The following MYEOV variants were observed in gnomAD, a reference collection of about 807,000 sequenced individuals.
The protein encoded by MYEOV is myeloma overexpressed.
MYEOV carries 4 observed loss-of-function variants against 4.5 expected under a neutral mutation model. That is an observed-to-expected ratio of 0.89 (90% CI 0.44 to 2.03). MYEOV has a LOEUF of 2.03. Among genes scored for constraint, MYEOV ranks in the 30% most tolerant of loss-of-function variants. The pLI is 0.03. For synonymous variants in MYEOV, 184 were observed against 170.3 expected (o/e 1.08, Z -0.63); for missense variants, 408 against 412.8 (o/e 0.99, Z 0.10).
Position 69,296,041 on chromosome 11 carries a change from G to T in MYEOV, c.591G>T (p.Ala197=). The change falls in exon 3 of 3, where the codon GCG becomes GCT. Residue 197 remains alanine (A), a synonymous_variant. Transcript: ENST00000441339. ...GGCTCTCCATGGAAATTATGTGGGC[G>T]CGAATGGATGTGGCTCTGCGCTCAC... ...RHGLSMEIMW[A]RMDVALRSPG... 1 of 1,614,122 alleles carries T rather than the reference G, an allele frequency of 6.2e-7. No individual in the cohort carries two copies. Among genetic ancestry groups the T allele is most frequent in the Admixed American group, 1.7e-5 (1 of 60,014 alleles).
chr11:69,295,090 G>C lies in MYEOV; in HGVS notation c.-122-143G>C. The C allele has an allele frequency of 4.0e-6, 2 of 498,246 alleles. No individual in the cohort carries two copies. Among genetic ancestry groups the C allele is most frequent in the Non-Finnish European group, 7.0e-6 (2 of 286,546 alleles). The allele number at this position is 498,246 out of a possible 1,614,324, so 30.9% of individuals were successfully genotyped here. A position where few individuals can be genotyped will look rare whatever the true frequency, so the allele number is the denominator to read the frequency against. On this transcript the variant is annotated intron_variant, in intron 1 of 2. Transcript: ENST00000441339. This position sits in a 1 kb window ranked among gnomAD's most constrained non-coding sequence, Gnocchi z 4.1. ...GATTTGGGCAGGTCCCAGCTTCCAG[G>C]ATCATGAGGTGAAAACGTGAAGGGA...
In MYEOV at chr11:69,295,130, G is replaced by A; in HGVS notation, c.-122-103G>A. The A allele has an allele frequency of 4.5e-6, 3 of 668,738 alleles. No homozygotes were observed. Among genetic ancestry groups the A allele is most frequent in the Non-Finnish European group, 7.3e-6 (3 of 413,664 alleles). 41.4% of individuals were successfully genotyped at this position (668,738 alleles called of 1,614,324 possible). A position where few individuals can be genotyped will look rare whatever the true frequency, so the allele number is the denominator to read the frequency against. On this transcript the variant is annotated intron_variant, in intron 1 of 2. Coordinates refer to ENST00000441339, the MANE Select transcript of MYEOV (RefSeq NM_001293291.2). This position sits in a 1 kb window ranked among gnomAD's most constrained non-coding sequence, Gnocchi z 4.1. ...ACGTGAAGGGACCCTAGAGGCCATG[G>A]GGACCCAGGCACAGAGCGGCGGCCT...
In MYEOV at chr11:69,295,173, C is replaced by A; in HGVS notation, c.-122-60C>A. 1 of 1,039,894 alleles carries A rather than the reference C, an allele frequency of 9.6e-7. No homozygotes were observed. Among genetic ancestry groups the A allele is most frequent in the Non-Finnish European group, 1.4e-6 (1 of 738,928 alleles). The allele number at this position is 1,039,894 out of a possible 1,614,324, so 64.4% of individuals were successfully genotyped here. ...GGCGGCCTCTCATCCTCCCCATGGTCAAGGAGGTCAGTGCCTTCCCGGGGT... is the reference window on the plus strand; with the variant it reads ...GGCGGCCTCTCATCCTCCCCATGGTAAAGGAGGTCAGTGCCTTCCCGGGGT... On this transcript the variant is annotated intron_variant, in intron 1 of 2. Transcript: ENST00000441339. The surrounding 1 kb of genome is among the most constrained non-coding windows in gnomAD (Gnocchi z 4.1).
At position 69,295,934 on chromosome 11, in the gene MYEOV, G is replaced by A. The variant is rs754058415; in HGVS notation, c.484G>A (p.Val162Ile). 23 of 1,614,058 alleles carry A rather than the reference G, an allele frequency of 1.4e-5. No homozygotes were observed. The highest frequency in any genetic ancestry group is 6.7e-5 in the East Asian group (3 of 44,880). ...GAGTCAGTCTGCAAGGGTGGTGGGC[G>A]TTGCTCACCTGGGAGAAGCCTTTAG... ...SGSQSARVVG[V>I]AHLGEAFRVG... Residue 162 changes from valine (V) to isoleucine (I), a missense_variant, in exon 3 of 3, where the codon GTT becomes ATT. Physicochemically the swap from Val to Ile is conservative, Grantham distance 29 (BLOSUM62 3). Transcript: ENST00000441339. The surrounding 1 kb of genome is among the most constrained non-coding windows in gnomAD (Gnocchi z 4.1).
Position 69,296,447 on chromosome 11 carries a change from T to G in MYEOV, c.*55T>G, listed in dbSNP as rs925564571. On this transcript the variant is annotated 3_prime_UTR_variant, in exon 3 of 3. Coordinates refer to ENST00000441339, the MANE Select transcript of MYEOV (RefSeq NM_001293291.2). ...GCCCAGCCTCATTTAATCCTCAGAA[T>G]GACTCCATGAGGTAGCTACTAAAAC... The G allele has an allele frequency of 1.4e-5, 16 of 1,163,848 alleles. No individual in the cohort carries two copies. The Admixed American group carries it at 4.5e-4, about 33-fold the overall frequency. 72.1% of individuals were successfully genotyped at this position (1,163,848 alleles called of 1,614,324 possible). A position where few individuals can be genotyped will look rare whatever the true frequency, so the allele number is the denominator to read the frequency against.
rs902321212 is a variant in MYEOV at position 69,295,224 on chromosome 11, TCTC to T, written c.-122-5_-122-3del. On this transcript the variant is annotated splice_polypyrimidine_tract_variant and splice_region_variant and intron_variant, in intron 1 of 2. Coordinates refer to ENST00000441339, the MANE Select transcript of MYEOV (RefSeq NM_001293291.2). The surrounding 1 kb of genome is among the most constrained non-coding windows in gnomAD (Gnocchi z 4.1). Reference sequence around the variant, plus strand: ...GGATTACGGATGGTAGTATCTTCCTTCTCCTCAGAGTCCATTCAGGAGCAGGAA... The same window carrying T: ...GGATTACGGATGGTAGTATCTTCCTTCTCAGAGTCCATTCAGGAGCAGGAA... The T allele has an allele frequency of 4.4e-6, 6 of 1,374,446 alleles. No homozygotes were observed. The highest frequency in any genetic ancestry group is 5.8e-6 in the Non-Finnish European group (6 of 1,030,976). The allele number at this position is 1,374,446 out of a possible 1,614,324, so 85.1% of individuals were successfully genotyped here.
chr11:69,295,254 G>A lies in MYEOV; in HGVS notation c.-101G>A. On this transcript the variant is annotated 5_prime_UTR_variant, in exon 2 of 3. Transcript: ENST00000441339. The surrounding 1 kb of genome is among the most constrained non-coding windows in gnomAD (Gnocchi z 4.1). ...TCAGAGTCCATTCAGGAGCAGGAAA[G>A]TTCATCTCAGACCCTAAATCCAGCC... 3 of 1,476,322 alleles carry A rather than the reference G, an allele frequency of 2.0e-6. No homozygotes were observed. Among genetic ancestry groups the A allele is most frequent in the Non-Finnish European group, 1.8e-6 (2 of 1,105,074 alleles). 91.5% of individuals were successfully genotyped at this position (1,476,322 alleles called of 1,614,324 possible).
chr11:69,296,496 CTG>C lies in MYEOV; in HGVS notation c.*105_*106del, dbSNP rs1046582772. On this transcript the variant is annotated 3_prime_UTR_variant, in exon 3 of 3. Coordinates refer to ENST00000441339, the MANE Select transcript of MYEOV (RefSeq NM_001293291.2). ...ACCCCCCACTTAACAGATGAGGAAA[CTG>C]AGGCCTAGAGAAGCTCAACAAGTTG... 7.0e-5 allele frequency: 55 copies of C among 780,502 alleles called. No individual in the cohort carries two copies. The highest frequency in any genetic ancestry group is 9.9e-5 in the Non-Finnish European group (51 of 516,802). 48.3% of individuals were successfully genotyped at this position (780,502 alleles called of 1,614,324 possible).
chr11:69,296,265 G>T lies in MYEOV; in HGVS notation c.815G>T (p.Trp272Leu), dbSNP rs1413200510. ...GTGACTGTTGAGGCCCTGGGGGGGT[G>T]GCGCATGGGAGTTAGGAGGACTGGC... ...TVVTVEALGG[W>L]RMGVRRTGQV... Residue 272 changes from tryptophan (W) to leucine (L), a missense_variant, in exon 3 of 3, where the codon TGG (tryptophan) becomes TTG (leucine). Transcript: ENST00000441339. 3.2e-6 allele frequency: 5 copies of T among 1,582,092 alleles called. No homozygotes were observed. The highest frequency in any genetic ancestry group is 4.3e-6 in the Non-Finnish European group (5 of 1,161,788).
intron 1 of MYEOV, among the ~76,000 whole-genome samples, chr11:69,294,941 C>T (rs566288693): frequency 5.9e-5 from 9 of 152,336 alleles, no homozygotes; most frequent in South Asian, 2.1e-4. Flanking sequence ...AGAGGGCAGC[C>T]GTCCCCATGG....
In MYEOV at chr11:69,297,264, C is replaced by T. The variant is rs890358037; in HGVS notation, c.*872C>T. ...TGTAAGTTATCAACTATAAATAAAACCAAGACTTCCGTTCTGGCTCTCACT... is the reference window on the plus strand; with the variant it reads ...TGTAAGTTATCAACTATAAATAAAATCAAGACTTCCGTTCTGGCTCTCACT... On this transcript the variant is annotated 3_prime_UTR_variant, in exon 3 of 3. Transcript: ENST00000441339. 1 of 152,132 alleles carries T rather than the reference C, an allele frequency of 6.6e-6. No individual in the cohort carries two copies. The highest frequency in any genetic ancestry group is 2.4e-5 in the African/African-American group (1 of 41,424). The allele number at this position is 152,132 out of a possible 1,614,324, so 9.4% of individuals were successfully genotyped here.
Position 69,295,962 on chromosome 11 carries a change from T to G in MYEOV, c.512T>G (p.Val171Gly), listed in dbSNP as rs1038433184. 6 of 1,613,794 alleles carry G rather than the reference T, an allele frequency of 3.7e-6. No individual in the cohort carries two copies. In the African/African-American group the frequency reaches 8.0e-5, roughly 22 times the overall value. ...GCTCACCTGGGAGAAGCCTTTAGAGTGGGCGTTGAGCAGGCCATTAGCTCG... is the reference window on the plus strand; with the variant it reads ...GCTCACCTGGGAGAAGCCTTTAGAGGGGGCGTTGAGCAGGCCATTAGCTCG... ...GVAHLGEAFR[V>G]GVEQAISSCP... is the part of the protein sequence containing the mutation. The change falls in exon 3 of 3, where the codon GTG (valine) becomes GGG (glycine). Residue 171 changes from valine (V) to glycine (G), a missense_variant. Coordinates refer to ENST00000441339, the MANE Select transcript of MYEOV (RefSeq NM_001293291.2). The surrounding 1 kb of genome is among the most constrained non-coding windows in gnomAD (Gnocchi z 4.1).
chr11:69,296,705 T>C lies in MYEOV; in HGVS notation c.*313T>C. ...AGCTCCTTCTGGTCATTTTCTCAGC[T>C]GGTTAGAGGCTGGGAGGACACGCAA... On this transcript the variant is annotated 3_prime_UTR_variant, in exon 3 of 3. Transcript: ENST00000441339. 1 of 310,354 alleles carries C rather than the reference T, an allele frequency of 3.2e-6. No individual in the cohort carries two copies. The highest frequency in any genetic ancestry group is 6.0e-6 in the Non-Finnish European group (1 of 167,508). The allele number at this position is 310,354 out of a possible 1,614,324, so 19.2% of individuals were successfully genotyped here.
rs1471503480 is a variant in MYEOV, at chr11:69,296,184, C to T, written c.734C>T (p.Pro245Leu). 1.2e-6 allele frequency: 2 copies of T among 1,613,826 alleles called. No homozygotes were observed. Among genetic ancestry groups the T allele is most frequent in the South Asian group, 1.1e-5 (1 of 91,048 alleles). Reference sequence around the variant, plus strand: ...CTGACCCTCCACCGGCACCCCACCCCTCACTGCTCCACCTGGGGCCTGCCT... The same window carrying T: ...CTGACCCTCCACCGGCACCCCACCCTTCACTGCTCCACCTGGGGCCTGCCT... ...ACLTLHRHPT[P>L]HCSTWGLPLR... The change falls in exon 3 of 3, where the codon CCT becomes CTT. Residue 245 changes from proline (P) to leucine (L), a missense_variant. Physicochemically the swap from Pro to Leu is moderately conservative, Grantham distance 98. Coordinates refer to ENST00000441339, the MANE Select transcript of MYEOV (RefSeq NM_001293291.2).
rs369368430 is a variant in MYEOV, at chr11:69,295,912, T to C, written c.462T>C (p.Ser154=). ...LCGTGNRNSG[S]QSARVVGVAH... ...GCACTGGGAACAGGAATTCTGGGAG[T>C]CAGTCTGCAAGGGTGGTGGGCGTTG... The change falls in exon 3 of 3, where the codon AGT becomes AGC. Residue 154 remains serine, a synonymous_variant. Transcript: ENST00000441339. The surrounding 1 kb of genome is among the most constrained non-coding windows in gnomAD (Gnocchi z 4.1). The C allele has an allele frequency of 3.7e-6, 6 of 1,613,642 alleles. No individual in the cohort carries two copies. In the African/African-American group the frequency reaches 8.0e-5, roughly 22 times the overall value.
Position 69,296,303 on chromosome 11 carries a change from A to G in MYEOV, c.853A>G (p.Thr285Ala). ...GVRRTGQVGPTMHPPPVSGAS... is the reference protein window; with the variant it reads ...GVRRTGQVGPAMHPPPVSGAS... Reference sequence around the variant, plus strand: ...TAGGAGGACTGGCCAGGTGGGGCCCACTATGCACCCACCCCCAGTGTCAGG... The same window carrying G: ...TAGGAGGACTGGCCAGGTGGGGCCCGCTATGCACCCACCCCCAGTGTCAGG... Residue 285 changes from threonine (T) to alanine (A), a missense_variant, in exon 3 of 3, where the codon ACT (threonine) becomes GCT (alanine). Physicochemically the swap from Thr to Ala is moderately conservative, Grantham distance 58. Coordinates refer to ENST00000441339, the MANE Select transcript of MYEOV (RefSeq NM_001293291.2). 3 of 1,536,388 alleles carry G rather than the reference A, an allele frequency of 2.0e-6. No homozygotes were observed. Among genetic ancestry groups the G allele is most frequent in the Non-Finnish European group, 2.6e-6 (3 of 1,140,518 alleles).
Position 69,296,873 on chromosome 11 carries a change from C to T in MYEOV, c.*481C>T, listed in dbSNP as rs567146650. The T allele has an allele frequency of 4.1e-4, 65 of 157,054 alleles. 1 individual carries two copies. The South Asian group carries it at 6.4e-3, about 16-fold the overall frequency. The allele number at this position is 157,054 out of a possible 1,614,324, so 9.7% of individuals were successfully genotyped here. A position where few individuals can be genotyped will look rare whatever the true frequency, so the allele number is the denominator to read the frequency against. Reference sequence around the variant, plus strand: ...ATGCGTACAGGCATGGAGAGTGAGGCGCCTGTACTGTCTTTCTGTAGACCC... The same window carrying T: ...ATGCGTACAGGCATGGAGAGTGAGGTGCCTGTACTGTCTTTCTGTAGACCC... On this transcript the variant is annotated 3_prime_UTR_variant, in exon 3 of 3. Coordinates refer to ENST00000441339, the MANE Select transcript of MYEOV (RefSeq NM_001293291.2).
chr11:69,296,896 C>T lies in MYEOV; in HGVS notation c.*504C>T, dbSNP rs900091620. Reference sequence around the variant, plus strand: ...GGCGCCTGTACTGTCTTTCTGTAGACCCTAGACTGGTGGGGCCTCTGAAAT... The same window carrying T: ...GGCGCCTGTACTGTCTTTCTGTAGATCCTAGACTGGTGGGGCCTCTGAAAT... On this transcript the variant is annotated 3_prime_UTR_variant, in exon 3 of 3. Transcript: ENST00000441339. The T allele has an allele frequency of 2.6e-5, 4 of 154,230 alleles. No homozygotes were observed. The highest frequency in any genetic ancestry group is 4.3e-5 in the Non-Finnish European group (3 of 69,556). The allele number at this position is 154,230 out of a possible 1,614,324, so 9.6% of individuals were successfully genotyped here.
In MYEOV at chr11:69,295,966, C is replaced by T. The variant is rs545794291; in HGVS notation, c.516C>T (p.Gly172=). 147 of 1,614,110 alleles carry T rather than the reference C, an allele frequency of 9.1e-5. No homozygotes were observed. The Admixed American group carries it at 1.0e-3, about 11-fold the overall frequency. The change falls in exon 3 of 3, where the codon GGC becomes GGT. Residue 172 remains glycine, a synonymous_variant. Coordinates refer to ENST00000441339, the MANE Select transcript of MYEOV (RefSeq NM_001293291.2). This position sits in a 1 kb window ranked among gnomAD's most constrained non-coding sequence, Gnocchi z 4.1. ...ACCTGGGAGAAGCCTTTAGAGTGGG[C>T]GTTGAGCAGGCCATTAGCTCGTGCC... The part of the protein sequence containing the change: ...VAHLGEAFRV[G]VEQAISSCPE...
Sources: gnomAD v4.1 joint callset for allele counts (sites outside exome capture counted in the v4.1 genomes callset) on GRCh38, gnomAD v4.1.1 for gene constraint, Gnocchi (gnomAD v3.1) non-coding constraint, MANE v1.5 for transcripts, NCBI Gene and HGNC (gene_info 2026-07-23, HGNC 2026-07-21) for gene names.